Variants in ELF1 observed in about 807,000 individuals in gnomAD.
ELF1 encodes ETS-related transcription factor Elf-1.
A neutral mutation model predicts 59.9 loss-of-function variants in ELF1; 24 were observed. The ratio of observed to expected loss-of-function variants is 0.40; its 90% CI spans 0.29 to 0.56. ELF1 has a LOEUF of 0.56. Ranked by LOEUF, ELF1 falls within the 20% of genes least tolerant of loss-of-function variation. The probability of loss-of-function intolerance (pLI) is 0.44; values close to 1 mark genes in which losing one functional copy is unlikely to be tolerated. For missense variants in ELF1, 627 were observed against 742.2 expected (o/e 0.84, Z 1.80); for synonymous variants, 248 against 266.2 (o/e 0.93, Z 0.67).
In ELF1 at chr13:41,002,934, A is replaced by G. The variant is rs192149564; in HGVS notation, c.-229+16294T>C. Among the ~76,000 whole-genome samples, 711 of 152,332 alleles carry G rather than the reference A, an allele frequency of 4.7e-3. 2 individuals are homozygous for G. The highest frequency in any genetic ancestry group is 7.5e-3 in the Non-Finnish European group (512 of 68,020). On this transcript the variant is annotated intron_variant, in intron 1 of 8. Transcript: ENST00000239882. ...ATAATAAATTTTTCTATATATTAAT[A>G]AACACAGTTTAAAAGAATATTAAGT...
Position 40,933,987 on chromosome 13 carries a change from G to A in ELF1, c.1298C>T (p.Pro433Leu), listed in dbSNP as rs750520786. 20 of 1,614,028 alleles carry A rather than the reference G, an allele frequency of 1.2e-5. No individual in the cohort carries two copies. Among genetic ancestry groups the A allele is most frequent in the Non-Finnish European group, 1.7e-5 (20 of 1,180,000 alleles). The change falls in exon 9 of 9, where the codon CCT (proline) becomes CTT (leucine). Residue 433 changes from proline to leucine, a missense_variant. This residue lies in a region of ELF1 where 361 missense variants were observed against 396.1 expected (regional missense o/e 0.91). Coordinates refer to ENST00000239882, the MANE Select transcript of ELF1 (RefSeq NM_172373.4). Reference protein sequence around the residue: ...APTQVPVVVSPRNQQLHTVTL... With the variant: ...APTQVPVVVSLRNQQLHTVTL... The stretch of plus-strand genomic sequence containing the variant: ...TACTGTATGCAACTGCTGATTCCTA[G>A]GAGACACAACCACTGGAACTTGGGT...
intron 1 of ELF1, among the ~76,000 whole-genome samples, chr13:40,989,018 G>A (rs555622617): frequency 4.1e-4 from 63 of 152,178 alleles, no homozygotes; most frequent in Middle Eastern, 6.8e-3. Flanking sequence ...AGGTGGCCTC[G>A]AACTCCTGAG....
At position 41,060,944 on chromosome 13, in the gene ELF1, C is replaced by CGCCGCCGCT. The variant is rs1210294443; in HGVS notation, c.-336_-335insAGCGGCGGC. The CGCCGCCGCT allele has an allele frequency of 4.5e-4, 120 of 265,130 alleles. 8 individuals are homozygous for CGCCGCCGCT. Among genetic ancestry groups the CGCCGCCGCT allele is most frequent in the African/African-American group, 1.6e-3 (69 of 43,348 alleles). 16.4% of individuals were successfully genotyped at this position (265,130 alleles called of 1,614,324 possible). A position where few individuals can be genotyped will look rare whatever the true frequency, so the allele number is the denominator to read the frequency against. On this transcript the variant is annotated 5_prime_UTR_variant, in exon 1 of 2. Transcript: ENST00000405737. ...CCGCCGCCGCCGCCGCCGCCGCCGCCGCTGCTGCTGCCCACACGCTCCCGA... is the reference window on the plus strand; with the variant it reads ...CCGCCGCCGCCGCCGCCGCCGCCGCCGCCGCCGCTGCTGCTGCTGCCCACACGCTCCCGA...
At chr13:40,993,152 C>T in intron 1 of ELF1, 1 of 1,533,510 alleles carries the variant, frequency 6.5e-7, no homozygotes, top group South Asian at 1.1e-5. Flanking sequence ...GGATACTCTC[C>T]ATTTTTGTAG....
intron 2 of ELF1, among the ~76,000 whole-genome samples, chr13:40,971,421 C>T (rs1014198068): frequency 1.4e-4 from 21 of 152,114 alleles, no homozygotes; most frequent in African/African-American, 5.1e-4. Flanking sequence ...CAACACCCAG[C>T]TATTTTTTTA....
chr13:41,025,745 G>A (rs1214443324), intron 1 of ELF1, among the ~76,000 whole-genome samples: 3 of 152,174 alleles, frequency 2.0e-5, no homozygotes, highest in Admixed American at 6.5e-5. Context: ...AACCCTATTC[G>A]GCCTGTGCAG....
At chr13:41,046,226 G>C (rs1876837962) in intron 1 of ELF1, among the ~76,000 whole-genome samples, 1 of 152,192 alleles carries the variant, frequency 6.6e-6, no homozygotes, top group Non-Finnish European at 1.5e-5. Flanking sequence ...GATGGGTCTT[G>C]ACTCTTTACC....
At chr13:40,951,196 C>G in intron 4 of ELF1, 133 bp downstream of exon 4, 1 of 684,072 alleles carries the variant, frequency 1.5e-6, no homozygotes, top group Non-Finnish European at 2.2e-6. Flanking sequence ...ACCTCAATTC[C>G]TACTATACCT....
rs543705323 is a variant in ELF1, at chr13:41,000,370, C to T, written c.-228-18088G>A. On this transcript the variant is annotated intron_variant, in intron 1 of 8. Transcript: ENST00000239882. ...TCTGGAGTAGCTGGAACTACAGGCA[C>T]GCCACCACACCGGGCTAATTTTTGT... is the stretch of plus-strand genomic sequence containing the variant. Among the ~76,000 whole-genome samples, 232 of 151,324 alleles carry T rather than the reference C, an allele frequency of 1.5e-3. 2 individuals carry two copies. The highest frequency in any genetic ancestry group is 2.6e-3 in the Non-Finnish European group (177 of 67,860).
intron 1 of ELF1, among the ~76,000 whole-genome samples, chr13:41,038,370 A>T (rs1478939386): frequency 6.6e-6 from 1 of 152,026 alleles, no homozygotes; most frequent in Non-Finnish European, 1.5e-5. Flanking sequence ...TACAAAAATT[A>T]ACCATGCATG....
chr13:40,957,783 G>GATA (rs1871546698), intron 3 of ELF1, among the ~76,000 whole-genome samples: 1 of 152,176 alleles, frequency 6.6e-6, no homozygotes. Context: ...CAAAGATGAG[G>GATA]TATTGACAAC....
chr13:40,959,788 C>G (rs1044523506), intron 2 of ELF1, among the ~76,000 whole-genome samples: 15 of 152,020 alleles, frequency 9.9e-5, no homozygotes, highest in Admixed American at 3.9e-4. Flanking sequence ...GTTATAATAT[C>G]ACAGAATTTT....
At chr13:41,051,715 C>G (rs942498375) in intron 1 of ELF1, among the ~76,000 whole-genome samples, 9 of 151,966 alleles carry the variant, frequency 5.9e-5, no homozygotes, top group Admixed American at 4.6e-4. Context: ...GAATGACTCT[C>G]TGGATCAAAA....
chr13:40,960,271 T>TA (rs201058336), intron 2 of ELF1, among the ~76,000 whole-genome samples: 1,712 of 151,850 alleles, frequency 0.011, 20 homozygotes, highest in African/African-American at 0.021. Flanking sequence ...TTTAAAAAGT[T>TA]AAAAAAAAAT....
intron 8 of ELF1, among the ~76,000 whole-genome samples, chr13:40,940,386 G>GAAAAAAAAAAAAAAAAAAAA (rs375400990): frequency 9.1e-6 from 1 of 109,896 alleles, no homozygotes; most frequent in African/African-American, 4.9e-5. Flanking sequence ...TGATTTAACT[G>GAAAAAAAAAAAAAAAAAAAA]AAAAAAAAAA....
At chr13:40,979,078 C>T (rs1270276477) in intron 2 of ELF1, among the ~76,000 whole-genome samples, 1 of 151,766 alleles carries the variant, frequency 6.6e-6, no homozygotes, top group Non-Finnish European at 1.5e-5. Flanking sequence ...TTTATGTCCA[C>T]GTAACACAGA....
intron 1 of ELF1, among the ~76,000 whole-genome samples, chr13:41,037,791 G>A (rs1161041804): frequency 2.7e-5 from 4 of 149,510 alleles, no homozygotes; most frequent in Non-Finnish European, 3.0e-5. Context: ...GCGAGACTCC[G>A]TCTCAAAAAA....
chr13:41,000,976 C>T (rs1874398582), intron 1 of ELF1, among the ~76,000 whole-genome samples: 1 of 144,964 alleles, frequency 6.9e-6, no homozygotes, highest in Non-Finnish European at 1.5e-5. Flanking sequence ...ATAGGAAAAA[C>T]ACTTTTTTTT....
In ELF1 at chr13:40,959,061, C is replaced by T. The variant is rs748381410; in HGVS notation, c.73-45G>A. ...GGAAAATGAAAACAAAGGATTAACA[C>T]AGTTTTGCTTTTGTTAAATAATGCT... On this transcript the variant is annotated intron_variant, in intron 2 of 8. Coordinates refer to ENST00000239882, the MANE Select transcript of ELF1 (RefSeq NM_172373.4). 17 of 1,536,382 alleles carry T rather than the reference C, an allele frequency of 1.1e-5. No individual in the cohort carries two copies. The South Asian group carries it at 2.0e-4, about 18-fold the overall frequency.
Sources: allele counts gnomAD v4.1 joint callset (sites outside exome capture counted in the v4.1 genomes callset), GRCh38; gene constraint gnomAD v4.1.1; regional missense constraint gnomAD v4.1.1; transcripts MANE v1.5; gene names NCBI Gene and HGNC (gene_info 2026-07-23, HGNC 2026-07-21).